The following C8A variants were observed in gnomAD, a reference collection of about 807,000 sequenced individuals.
The protein encoded by C8A is complement C8 alpha chain, also known as complement component C8 alpha chain.
A neutral mutation model predicts 65.3 loss-of-function variants in C8A; 67 were observed. The ratio of observed to expected loss-of-function variants is 1.03; its 90% CI spans 0.84 to 1.26. The LOEUF (loss-of-function observed/expected upper bound fraction) is 1.26. Among genes scored for constraint, C8A ranks in the 50% most tolerant of loss-of-function variants. The pLI is 0.00. For synonymous variants in C8A, 290 were observed against 259.4 expected, an observed-to-expected ratio of 1.12 and a Z score of -1.13; for missense variants, 781 against 723.9, an observed-to-expected ratio of 1.08 and a Z score of -0.90.
chr1:56,854,967 G>A lies in C8A; in HGVS notation c.66G>A (p.Glu22=). 6.2e-7 allele frequency: 1 copy of A among 1,613,454 alleles called. No individual in the cohort carries two copies. Among genetic ancestry groups the A allele is most frequent in the African/African-American group, 1.3e-5 (1 of 75,042 alleles). The part of the protein sequence containing the change: ...MTCQPGVTAQ[E]KVNQRVRRAA... ...GTCAGCCTGGGGTAACTGCACAGGA[G>A]AAGGTGAACCAGTAAGTGGGCCATA... is the stretch of plus-strand genomic sequence containing the variant. The change falls in exon 1 of 11, where the codon GAG becomes GAA. Residue 22 remains glutamate (E), a synonymous_variant. Coordinates refer to ENST00000361249, the MANE Select transcript of C8A (RefSeq NM_000562.3).
intron 7 of C8A, among the ~76,000 whole-genome samples, chr1:56,891,029 A>C (rs1051532895): frequency 6.6e-6 from 1 of 152,166 alleles, no homozygotes; most frequent in African/African-American, 2.4e-5. Context: ...TAATTGATCA[A>C]TATATAATCG....
At chr1:56,877,918 A>C (rs7528592) in intron 4 of C8A, among the ~76,000 whole-genome samples, 3,782 of 152,270 alleles carry the variant, frequency 0.025, 145 homozygotes, top group African/African-American at 0.086. Context: ...TAAAAAGATG[A>C]GAAAATTCTG....
At chr1:56,856,487 T>C (rs1276115653) in intron 1 of C8A, among the ~76,000 whole-genome samples, 2 of 152,132 alleles carry the variant, frequency 1.3e-5, no homozygotes, top group Non-Finnish European at 2.9e-5. Flanking sequence ...TGGTTGACAA[T>C]AATCAGACAA....
rs1428222400 is a variant in C8A at position 56,881,614 on chromosome 1, T to C, written c.634T>C (p.Phe212Leu). 1 of 1,613,178 alleles carries C rather than the reference T, an allele frequency of 6.2e-7. No individual in the cohort carries two copies. Among genetic ancestry groups the C allele is most frequent in the East Asian group, 2.2e-5 (1 of 44,874 alleles). ...GAAATACTTTCGGAAACCCTACAAC[T>C]TTCTGAAGTACCACTTTGAAGTAAG... is the stretch of plus-strand genomic sequence containing the variant. Reference protein sequence around the residue: ...DEKYFRKPYNFLKYHFEALAD... With the variant: ...DEKYFRKPYNLLKYHFEALAD... Residue 212 changes from phenylalanine to leucine, a missense_variant, in exon 5 of 11, where the codon TTT (phenylalanine) becomes CTT (leucine). Transcript: ENST00000361249.
In C8A at chr1:56,908,079, C is replaced by G. The variant is rs941777990; in HGVS notation, c.1346C>G (p.Ser449Ter). ...ATTACATACCGTTCCTGGGGGAGGT[C>G]ATTAAAGTATAATCCTGTTGTTATC... is the stretch of plus-strand genomic sequence containing the variant. ...STITYRSWGR[S>*]LKYNPVVIDF... The change falls in exon 9 of 11, where the codon TCA (serine) becomes TGA (stop). Residue 449 changes from serine (S) to a stop codon, truncating the protein, a stop_gained. Coordinates refer to ENST00000361249, the MANE Select transcript of C8A (RefSeq NM_000562.3). LOFTEE classifies it high-confidence loss of function. The G allele has an allele frequency of 9.3e-6, 15 of 1,614,080 alleles. No homozygotes were observed. Among genetic ancestry groups the G allele is most frequent in the African/African-American group, 1.3e-5 (1 of 75,032 alleles).
intron 1 of C8A, 66 bp from the exon 2 acceptor site, chr1:56,867,543 C>T (rs1644102416): frequency 1.8e-6 from 2 of 1,138,746 alleles, no homozygotes; most frequent in South Asian, 2.5e-5. Flanking sequence ...GGAAAATGTG[C>T]ACAGCTTTCT....
chr1:56,857,874 C>G lies in C8A; in HGVS notation c.77+2896C>G, dbSNP rs1467386784. 2.6e-5 allele frequency among the ~76,000 whole-genome samples: 4 copies of G among 152,060 alleles called. No individual in the cohort carries two copies. The East Asian group carries it at 7.7e-4, about 29-fold the overall frequency. On this transcript the variant is annotated intron_variant, in intron 1 of 10. Coordinates refer to ENST00000361249, the MANE Select transcript of C8A (RefSeq NM_000562.3). ...ATCTGTCTTTCTTATAGTCCAATTACAGAGATGCTAGCCTGCTTGATAAAG... is the reference window on the plus strand; with the variant it reads ...ATCTGTCTTTCTTATAGTCCAATTAGAGAGATGCTAGCCTGCTTGATAAAG...
chr1:56,897,149 A>C (rs1644392749), intron 7 of C8A, among the ~76,000 whole-genome samples: 1 of 152,190 alleles, frequency 6.6e-6, no homozygotes, highest in African/African-American at 2.4e-5. Context: ...AAGTGAGTAA[A>C]TTGGGTTTTA....
rs1333934616 is a variant in C8A, at chr1:56,854,877, T to C, written c.-25T>C. The stretch of plus-strand genomic sequence containing the variant: ...AGATAGCTTTATTCCTTCAAGGTAA[T>C]ATAGTGCGGTGGCTTCTGGCTGAGA... On this transcript the variant is annotated 5_prime_UTR_variant, in exon 1 of 11. Transcript: ENST00000361249. 5 of 1,604,766 alleles carry C rather than the reference T, an allele frequency of 3.1e-6. No individual in the cohort carries two copies. The African/African-American group carries it at 4.0e-5, about 13-fold the overall frequency.
At chr1:56,866,178 C>T (rs979717456) in intron 1 of C8A, among the ~76,000 whole-genome samples, 1 of 152,096 alleles carries the variant, frequency 6.6e-6, no homozygotes, top group South Asian at 2.1e-4. Context: ...AGATTTCAAC[C>T]AAATCAATAT....
intron 7 of C8A, among the ~76,000 whole-genome samples, chr1:56,889,816 G>A (rs1644330353): frequency 6.6e-6 from 1 of 152,068 alleles, no homozygotes; most frequent in African/African-American, 2.4e-5. Flanking sequence ...TAGATCACAT[G>A]CTTCTCCCCC....
intron 2 of C8A, among the ~76,000 whole-genome samples, chr1:56,869,535 C>T (rs1644122932): frequency 6.6e-6 from 1 of 152,074 alleles, no homozygotes; most frequent in Non-Finnish European, 1.5e-5. Context: ...GGTAGATACC[C>T]AGTAGTGAGA....
At chr1:56,899,618 T>C (rs1258416404) in intron 7 of C8A, among the ~76,000 whole-genome samples, 2 of 152,152 alleles carry the variant, frequency 1.3e-5, no homozygotes, top group Middle Eastern at 3.2e-3. Flanking sequence ...CCACTTATAC[T>C]GCAGAAATGC....
intron 4 of C8A, among the ~76,000 whole-genome samples, chr1:56,881,118 T>C (rs1261672269): frequency 1.3e-5 from 2 of 152,208 alleles, no homozygotes; most frequent in Non-Finnish European, 1.5e-5. Context: ...AAGTGTTACC[T>C]AAAGTGGCCC....
At chr1:56,863,935 C>T (rs993629400) in intron 1 of C8A, among the ~76,000 whole-genome samples, 2 of 147,918 alleles carry the variant, frequency 1.4e-5, no homozygotes, top group African/African-American at 2.5e-5. Flanking sequence ...TCCCTCTTTC[C>T]CTTCCTTTTT....
At chr1:56,906,905 CA>C (rs1239192243) in intron 8 of C8A, 113 bp downstream of exon 8, 2 of 1,304,636 alleles carry the variant, frequency 1.5e-6, no homozygotes, top group African/African-American at 2.9e-5. Flanking sequence ...AGTCAATGAT[CA>C]GACTGCATAG....
At chr1:56,879,186 A>G (rs1446259293) in intron 4 of C8A, among the ~76,000 whole-genome samples, 3 of 152,192 alleles carry the variant, frequency 2.0e-5, no homozygotes, top group African/African-American at 7.2e-5. Flanking sequence ...TTAAAAAAAA[A>G]TTTCCAACTC....
At chr1:56,897,148 A>C (rs1355695868) in intron 7 of C8A, among the ~76,000 whole-genome samples, 1 of 152,180 alleles carries the variant, frequency 6.6e-6, no homozygotes, top group Non-Finnish European at 1.5e-5. Context: ...AAAGTGAGTA[A>C]ATTGGGTTTT....
intron 7 of C8A, among the ~76,000 whole-genome samples, chr1:56,904,659 A>G (rs1644450533): frequency 1.3e-5 from 2 of 152,202 alleles, no homozygotes; most frequent in Admixed American, 6.5e-5. Flanking sequence ...GGCCTTAGGC[A>G]ATATAATTAA....
Sources: allele counts gnomAD v4.1 joint callset (sites outside exome capture counted in the v4.1 genomes callset), GRCh38; gene constraint gnomAD v4.1.1; transcripts MANE v1.5; gene names NCBI Gene and HGNC (gene_info 2026-07-23, HGNC 2026-07-21).